The following DNAH5 variants were observed in gnomAD, a reference collection of about 807,000 sequenced individuals.
DNAH5 encodes dynein axonemal heavy chain 5.
In DNAH5, 372 loss-of-function variants were observed where a neutral mutation model predicts 518.2. That is an observed-to-expected ratio of 0.72 (90% CI 0.66 to 0.78). The LOEUF (loss-of-function observed/expected upper bound fraction) is 0.78, where lower values mean the gene tolerates loss of function less well. Ranked by LOEUF, DNAH5 falls within the 30% of genes least tolerant of loss-of-function variation. The pLI is 0.00. For missense variants in DNAH5, 5,523 were observed against 5,687.0 expected, an observed-to-expected ratio of 0.97 and a Z score of 0.93; for synonymous variants, 2,039 against 2,025.9, an observed-to-expected ratio of 1.01 and a Z score of -0.17.
At chr5:13,737,545 G>A in intron 65 of DNAH5, 50 bp from the exon 66 acceptor site, 2 of 1,587,834 alleles carry the variant, frequency 1.3e-6, no homozygotes, top group Non-Finnish European at 1.7e-6. Flanking sequence ...AACTCTTGTT[G>A]AGTATTCCTT....
chr5:13,936,900 G>A (rs1778975351), intron 1 of DNAH5, among the ~76,000 whole-genome samples: 1 of 152,100 alleles, frequency 6.6e-6, no homozygotes, highest in African/African-American at 2.4e-5. Context: ...GTTCTTTTGT[G>A]CCTAAGCAAG....
intron 69 of DNAH5, among the ~76,000 whole-genome samples, chr5:13,728,896 G>C (rs1339621844): frequency 6.6e-6 from 1 of 152,148 alleles, no homozygotes; most frequent in Non-Finnish European, 1.5e-5. Flanking sequence ...TTCATCAGGA[G>C]CTGGCTGATT....
rs750987249 is a variant in DNAH5 at position 13,792,110 on chromosome 5, T to C, written c.8332A>G (p.Lys2778Glu). 1.9e-6 allele frequency: 3 copies of C among 1,614,092 alleles called. No individual in the cohort carries two copies. Among genetic ancestry groups the C allele is most frequent in the Non-Finnish European group, 2.5e-6 (3 of 1,179,996 alleles). ...PLTRRLWQMT[K>E]IKMLPTPAKF... Reference sequence around the variant, plus strand: ...GCAGGGGTAGGAAGCATTTTAATCTTGGTCATCTGCCATAGTCGGCGTGTC... The same window carrying C: ...GCAGGGGTAGGAAGCATTTTAATCTCGGTCATCTGCCATAGTCGGCGTGTC... The change falls in exon 50 of 79, where the codon AAG becomes GAG. Residue 2778 changes from lysine (K) to glutamate (E), a missense_variant. Physicochemically the swap from Lys to Glu is moderately conservative, Grantham distance 56 (BLOSUM62 1). Transcript: ENST00000265104.
intron 1 of DNAH5, among the ~76,000 whole-genome samples, chr5:13,992,477 A>T (rs991829559): frequency 7.2e-5 from 11 of 152,238 alleles, no homozygotes; most frequent in African/African-American, 2.7e-4. Context: ...ACCAAAATGG[A>T]TGCAAATTTT....
At chr5:13,890,371 C>A (rs1290279930) in intron 17 of DNAH5, among the ~76,000 whole-genome samples, 1 of 148,724 alleles carries the variant, frequency 6.7e-6, no homozygotes, top group Admixed American at 6.7e-5. Flanking sequence ...CGCATCACTG[C>A]ACTCCAGCCT....
At position 13,875,876 on chromosome 5, in the gene DNAH5, C is replaced by T. The variant is rs542647366; in HGVS notation, c.3396+808G>A. ...AAAACTAAACTTAATAATATTTCCTCACATTGTTACAGCAATGGTAGCTTT... is the reference window on the plus strand; with the variant it reads ...AAAACTAAACTTAATAATATTTCCTTACATTGTTACAGCAATGGTAGCTTT... On this transcript the variant is annotated intron_variant, in intron 22 of 78. Transcript: ENST00000265104. 2.0e-5 allele frequency among the ~76,000 whole-genome samples: 3 copies of T among 152,268 alleles called. No homozygotes were observed. In the East Asian group the frequency reaches 5.8e-4, roughly 29 times the overall value.
chr5:13,954,488 G>T (rs1054676217), intron 1 of DNAH5, among the ~76,000 whole-genome samples: 4 of 152,200 alleles, frequency 2.6e-5, no homozygotes, highest in African/African-American at 9.6e-5. Context: ...TGAAGGAGGA[G>T]CAATTGCATG....
intron 58 of DNAH5, among the ~76,000 whole-genome samples, chr5:13,767,741 T>C (rs1752709005): frequency 6.6e-6 from 1 of 152,232 alleles, no homozygotes; most frequent in African/African-American, 2.4e-5. Flanking sequence ...CTGTTTCACC[T>C]AAGCATTAAA....
At chr5:13,931,375 AT>A in intron 1 of DNAH5, 131 bp from the exon 2 acceptor site, 2 of 883,176 alleles carry the variant, frequency 2.3e-6, no homozygotes, top group African/African-American at 1.7e-5. Flanking sequence ...AATGGTACCA[AT>A]TTTTATGTAC....
rs1176527436 is a variant in DNAH5 at position 13,862,711 on chromosome 5, C to T, written c.4633G>A (p.Glu1545Lys). 2.5e-6 allele frequency: 4 copies of T among 1,613,920 alleles called. No individual in the cohort carries two copies. The highest frequency in any genetic ancestry group is 4.5e-5 in the East Asian group (2 of 44,876). The change falls in exon 29 of 79, where the codon GAG (glutamate) becomes AAG (lysine). Residue 1545 changes from glutamate to lysine, a missense_variant. Glu to Lys is a moderately conservative substitution (Grantham distance 56). Coordinates refer to ENST00000265104, the MANE Select transcript of DNAH5 (RefSeq NM_001369.3). Reference protein sequence around the residue: ...CISAVKERDIEQKLKQVINEW... With the variant: ...CISAVKERDIKQKLKQVINEW... ...TTAATCACTTGCTTCAGCTTTTGCTCAATGTCTCTCTCTTTCACCGCACTG... is the reference window on the plus strand; with the variant it reads ...TTAATCACTTGCTTCAGCTTTTGCTTAATGTCTCTCTCTTTCACCGCACTG...
chr5:14,009,203 C>T (rs573817668), intron 1 of DNAH5, among the ~76,000 whole-genome samples: 2 of 152,308 alleles, frequency 1.3e-5, no homozygotes, highest in East Asian at 3.9e-4. Flanking sequence ...AATAAACAGC[C>T]GCTCTGGTGA....
chr5:13,778,178 A>G (rs1754383971), intron 53 of DNAH5, among the ~76,000 whole-genome samples: 1 of 152,120 alleles, frequency 6.6e-6, no homozygotes, highest in Non-Finnish European at 1.5e-5. Flanking sequence ...ACCTTTTTCT[A>G]ACTTCTGTAA....
chr5:13,868,123 T>C, intron 24 of DNAH5, 131 bp from the exon 25 acceptor site: 1 of 772,456 alleles, frequency 1.3e-6, no homozygotes, highest in Middle Eastern at 3.7e-4. Flanking sequence ...CTAGTTATTC[T>C]ACTTCAAACC....
chr5:13,740,206 C>T (rs947419928), intron 65 of DNAH5, among the ~76,000 whole-genome samples: 2 of 152,118 alleles, frequency 1.3e-5, no homozygotes, highest in Non-Finnish European at 2.9e-5. Flanking sequence ...TCACTCCCTC[C>T]ACTATCACCA....
intron 5 of DNAH5, among the ~76,000 whole-genome samples, chr5:13,921,600 AT>A (rs1307410771): frequency 6.6e-6 from 1 of 151,548 alleles, no homozygotes; most frequent in Non-Finnish European, 1.5e-5. Flanking sequence ...CAGAAACTAA[AT>A]GTCACCTTTG....
intron 12 of DNAH5, among the ~76,000 whole-genome samples, chr5:13,905,671 G>C (rs1775196659): frequency 6.6e-6 from 1 of 152,130 alleles, no homozygotes; most frequent in Non-Finnish European, 1.5e-5. Context: ...TTCATTGCCA[G>C]TGGGAATGCA....
At chr5:13,914,883 A>C (rs1382532661) in intron 9 of DNAH5, among the ~76,000 whole-genome samples, 1 of 152,126 alleles carries the variant, frequency 6.6e-6, no homozygotes, top group African/African-American at 2.4e-5. Flanking sequence ...CACCTTGTCT[A>C]TGCAGGATGA....
intron 25 of DNAH5, 129 bp downstream of exon 25, chr5:13,867,644 TA>T: frequency 1.2e-6 from 1 of 810,928 alleles, no homozygotes; most frequent in Non-Finnish European, 2.1e-6. Context: ...CTCATGAAAA[TA>T]AAATTCCCAT....
At chr5:13,914,445 C>T in intron 10 of DNAH5, 75 bp downstream of exon 10, 1 of 1,494,244 alleles carries the variant, frequency 6.7e-7, no homozygotes, top group Non-Finnish European at 9.2e-7. Context: ...ATAATAATTA[C>T]AAAATGATTT....
Sources: allele counts gnomAD v4.1 joint callset (sites outside exome capture counted in the v4.1 genomes callset), GRCh38; gene constraint gnomAD v4.1.1; transcripts MANE v1.5; gene names NCBI Gene and HGNC (gene_info 2026-07-23, HGNC 2026-07-21).